Variants in CORO2A observed in about 807,000 individuals in gnomAD.
CORO2A encodes coronin-2A.
CORO2A carries 47 observed loss-of-function variants against 62.4 expected under a neutral mutation model. That is an observed-to-expected ratio of 0.75 (90% CI 0.60 to 0.96). CORO2A has a LOEUF of 0.96. Among genes scored for constraint, CORO2A ranks in the 40% least tolerant of loss-of-function variants. CORO2A has a pLI of 0.00. For synonymous variants in CORO2A, 273 were observed against 268.9 expected, an observed-to-expected ratio of 1.02 and a Z score of -0.15; for missense variants, 610 against 684.1, an observed-to-expected ratio of 0.89 and a Z score of 1.21.
intron 3 of CORO2A, among the ~76,000 whole-genome samples, chr9:98,135,854 A>G (rs1432698981): frequency 2.6e-5 from 4 of 152,164 alleles, no homozygotes; most frequent in African/African-American, 9.7e-5. Context: ...CAGGCTCCAG[A>G]TACTTCGGTC....
rs1379686725 is a variant in CORO2A, at chr9:98,158,251, G to T, written c.1-591C>A. On this transcript the variant is annotated intron_variant, in intron 1 of 11. Coordinates refer to ENST00000375077, the MANE Select transcript of CORO2A (RefSeq NM_052820.4). ...GATTGAGCCCAGGAGTTCAAATGTAGCCTGGGCAACACAGTGAGACCCTGT... is the reference window on the plus strand; with the variant it reads ...GATTGAGCCCAGGAGTTCAAATGTATCCTGGGCAACACAGTGAGACCCTGT... Among the ~76,000 whole-genome samples the T allele has an allele frequency of 4.6e-5, 7 of 151,806 alleles. No homozygotes were observed. The East Asian group carries it at 1.2e-3, about 25-fold the overall frequency.
rs1182551962 is a variant in CORO2A, at chr9:98,150,324, C to T, written c.201+7136G>A. Among the ~76,000 whole-genome samples, 3 of 152,032 alleles carry T rather than the reference C, an allele frequency of 2.0e-5. No individual in the cohort carries two copies. The East Asian group carries it at 5.8e-4, about 29-fold the overall frequency. On this transcript the variant is annotated intron_variant, in intron 2 of 11. Coordinates refer to ENST00000375077, the MANE Select transcript of CORO2A (RefSeq NM_052820.4). The stretch of plus-strand genomic sequence containing the variant: ...GCTTACGACGCCTTCACAGTCCAGG[C>T]CCTACTCCCCAATCTGACCTCACCT...
intron 1 of CORO2A, among the ~76,000 whole-genome samples, chr9:98,168,288 A>G (rs1187395645): frequency 6.6e-6 from 1 of 152,182 alleles, no homozygotes; most frequent in African/African-American, 2.4e-5. Context: ...GGACAGCACC[A>G]CCCTATCATT....
chr9:98,126,544 C>T lies in CORO2A; in HGVS notation c.1446+5G>A. The T allele has an allele frequency of 6.2e-7, 1 of 1,611,806 alleles. No individual in the cohort carries two copies. Among genetic ancestry groups the T allele is most frequent in the East Asian group, 2.2e-5 (1 of 44,832 alleles). On this transcript the variant is annotated splice_donor_5th_base_variant and intron_variant, in intron 11 of 11. Coordinates refer to ENST00000375077, the MANE Select transcript of CORO2A (RefSeq NM_052820.4). ...GTGAAAGGCCCACCCCGTCCTCCTT[C>T]ACACCTCATTCTCTGTCTTTGGTGG...
chr9:98,171,358 A>C (rs1028246671), intron 1 of CORO2A, among the ~76,000 whole-genome samples: 1 of 151,874 alleles, frequency 6.6e-6, no homozygotes, highest in Non-Finnish European at 1.5e-5. Flanking sequence ...ATCAGCCCTC[A>C]CTCTGCCTGC....
intron 2 of CORO2A, among the ~76,000 whole-genome samples, chr9:98,151,839 C>CG (rs1312177913): frequency 7.9e-6 from 1 of 127,150 alleles, no homozygotes; most frequent in Admixed American, 8.6e-5. Flanking sequence ...TTTTTTGAGA[C>CG]GGAGTTTCGC....
intron 2 of CORO2A, among the ~76,000 whole-genome samples, chr9:98,145,104 C>G (rs1441613492): frequency 1.3e-5 from 2 of 152,158 alleles, no homozygotes; most frequent in Non-Finnish European, 2.9e-5. Context: ...TATGAGCACC[C>G]AGATGAGCCT....
intron 4 of CORO2A, among the ~76,000 whole-genome samples, chr9:98,133,557 T>A (rs1248306565): frequency 2.0e-5 from 3 of 152,186 alleles, no homozygotes; most frequent in Non-Finnish European, 2.9e-5. Flanking sequence ...CAGGGCTGTA[T>A]GTTTAGCTGC....
chr9:98,173,465 A>G (rs2118915704), intron 1 of CORO2A, among the ~76,000 whole-genome samples: 1 of 152,208 alleles, frequency 6.6e-6, no homozygotes, highest in African/African-American at 2.4e-5. Flanking sequence ...TCCTGTCCAA[A>G]ATCCACGGGC....
chr9:98,138,731 G>A (rs55736211), intron 2 of CORO2A, among the ~76,000 whole-genome samples: 4,434 of 152,226 alleles, frequency 0.029, 224 homozygotes, highest in African/African-American at 0.1. Context: ...CCTGGTATCT[G>A]GAACCCTAAG....
intron 1 of CORO2A, among the ~76,000 whole-genome samples, chr9:98,161,426 C>T (rs10124412): frequency 0.49 from 74,658 of 151,788 alleles, 18,508 homozygotes; most frequent in Admixed American, 0.6. Context: ...TGGTGGCGCG[C>T]GCCTGTAGTC....
intron 1 of CORO2A, among the ~76,000 whole-genome samples, chr9:98,166,491 T>A (rs1827962781): frequency 6.6e-6 from 1 of 152,202 alleles, no homozygotes; most frequent in Non-Finnish European, 1.5e-5. Context: ...TGAGAATATA[T>A]AAAGAACTCT....
chr9:98,121,212 GAAGCACAATT>G lies in CORO2A; in HGVS notation c.*3552_*3561del, dbSNP rs945087437. The G allele has an allele frequency of 5.9e-5, 9 of 152,104 alleles. No homozygotes were observed. Among genetic ancestry groups the G allele is most frequent in the African/African-American group, 2.2e-4 (9 of 41,400 alleles). 9.4% of individuals were successfully genotyped at this position (152,104 alleles called of 1,614,324 possible). On this transcript the variant is annotated 3_prime_UTR_variant, in exon 12 of 12. Transcript: ENST00000375077. ...GATACAATCTCAAGTTTTGTTTCAGGAAGCACAATTATTGTAGCGTTAAGGTGGATACCTG... is the reference window on the plus strand; with the variant it reads ...GATACAATCTCAAGTTTTGTTTCAGGATTGTAGCGTTAAGGTGGATACCTG...
chr9:98,164,622 C>A (rs1480532647), intron 1 of CORO2A, among the ~76,000 whole-genome samples: 1 of 152,236 alleles, frequency 6.6e-6, no homozygotes, highest in Non-Finnish European at 1.5e-5. Context: ...CTCTGTGAAT[C>A]TAAGGCCAGA....
intron 1 of CORO2A, 61 bp from the exon 2 acceptor site, chr9:98,157,721 G>C (rs1443961483): frequency 6.7e-7 from 1 of 1,481,796 alleles, no homozygotes; most frequent in Non-Finnish European, 9.3e-7. Flanking sequence ...GGGACACACA[G>C]AGCTCTCATC....
chr9:98,178,470 T>G (rs1382663576), intron 1 of CORO2A, among the ~76,000 whole-genome samples: 1 of 152,138 alleles, frequency 6.6e-6, no homozygotes, highest in Non-Finnish European at 1.5e-5. Context: ...TAGCTTAGAG[T>G]GGTGAATATA....
Position 98,124,781 on chromosome 9 carries a change from TGCTCTGAGCC to T in CORO2A, c.1561_1570del (p.Gly521SerfsTer71), listed in dbSNP as rs1159624745. 6.2e-7 allele frequency: 1 copy of T among 1,611,228 alleles called. No individual in the cohort carries two copies. On this transcript the variant is annotated frameshift_variant, in exon 12 of 12. Transcript: ENST00000375077. LOFTEE classifies it high-confidence loss of function. ...GAGGGCAGAGGTCTCTGCTCAGAGC[TGCTCTGAGCC>T]CATCCGCAAGTTTTTGATCTCCAGT...
At chr9:98,173,822 C>T (rs1241873860) in intron 1 of CORO2A, among the ~76,000 whole-genome samples, 2 of 152,152 alleles carry the variant, frequency 1.3e-5, no homozygotes, top group African/African-American at 4.8e-5. Flanking sequence ...AGCTTAAGAG[C>T]GTGTAGCCTT....
intron 1 of CORO2A, among the ~76,000 whole-genome samples, chr9:98,191,088 C>T (rs1350721160): frequency 6.6e-6 from 1 of 152,192 alleles, no homozygotes; most frequent in Non-Finnish European, 1.5e-5. Context: ...TCCCTGGGTG[C>T]AGGGCAGGTC....
Sources: gnomAD v4.1 joint callset for allele counts (sites outside exome capture counted in the v4.1 genomes callset) on GRCh38, gnomAD v4.1.1 for gene constraint, MANE v1.5 for transcripts, NCBI Gene and HGNC (gene_info 2026-07-23, HGNC 2026-07-21) for gene names.